Variants in DIAPH2 observed in about 807,000 individuals in gnomAD.
DIAPH2 encodes the protein diaphanous related formin 2.
In DIAPH2, 35 loss-of-function variants were observed where a neutral mutation model predicts 92.7. That is an observed-to-expected ratio of 0.38 (90% CI 0.29 to 0.50). The LOEUF is 0.50. DIAPH2 is among the 20% of genes least tolerant of loss of function. The probability of loss-of-function intolerance (pLI) is 0.94; values close to 1 mark genes in which losing one functional copy is unlikely to be tolerated. For synonymous variants in DIAPH2, 301 were observed against 280.4 expected (o/e 1.07, Z -0.73); for missense variants, 701 against 819.5 (o/e 0.86, Z 1.77).
chrX:97,256,135 G>C (rs1477696575), intron 23 of DIAPH2, among the ~76,000 whole-genome samples: 1 of 112,216 alleles, frequency 8.9e-6, no homozygotes, highest in Non-Finnish European at 1.9e-5. Context: ...AGTTTTAAAA[G>C]ATGTAAAAAC....
At chrX:97,307,821 T>C (rs1311689985) in intron 23 of DIAPH2, among the ~76,000 whole-genome samples, 1 of 104,277 alleles carries the variant, frequency 9.6e-6, no homozygotes, top group African/African-American at 3.6e-5. Flanking sequence ...GGCAGGAGAA[T>C]CACTTGAACC....
intron 16 of DIAPH2, among the ~76,000 whole-genome samples, chrX:96,960,084 T>C (rs1392998079): frequency 8.9e-6 from 1 of 111,844 alleles, no homozygotes; most frequent in East Asian, 2.8e-4. Context: ...GCTTTGGCTA[T>C]TCAGGCTCTT....
chrX:97,514,674 A>G (rs1240518370), intron 26 of DIAPH2, among the ~76,000 whole-genome samples: 1 of 109,314 alleles, frequency 9.1e-6, no homozygotes, highest in African/African-American at 3.3e-5. Context: ...ATGGTGATGT[A>G]CAGATGGGTT....
Position 97,417,387 on chromosome X carries a change from C to T in DIAPH2, c.3146-12263C>T, listed in dbSNP as rs774094444. On this transcript the variant is annotated intron_variant, in intron 25 of 26. Coordinates refer to ENST00000324765, the MANE Select transcript of DIAPH2 (RefSeq NM_006729.5). ...GGGTGGTCACACATACACACACACA[C>T]ACACACACACATACACACACACACA... 2.3e-4 allele frequency among the ~76,000 whole-genome samples: 25 copies of T among 109,288 alleles called. No individual in the cohort carries two copies. In the East Asian group the frequency reaches 6.5e-3, roughly 28 times the overall value. The allele number at this position is 109,288 out of a possible 115,157, so 94.9% of individuals were successfully genotyped here. A position where few individuals can be genotyped will look rare whatever the true frequency, so the allele number is the denominator to read the frequency against.
intron 26 of DIAPH2, among the ~76,000 whole-genome samples, chrX:97,457,821 G>T (rs964157009): frequency 3.6e-5 from 4 of 112,113 alleles, no homozygotes; most frequent in Non-Finnish European, 5.6e-5. Context: ...TGCTCCTTCA[G>T]CCATGTGAAG....
chrX:96,959,887 TG>T (rs892526590), intron 16 of DIAPH2, among the ~76,000 whole-genome samples: 3 of 111,865 alleles, frequency 2.7e-5, no homozygotes, highest in African/African-American at 9.7e-5. Flanking sequence ...CTTTCCCCAT[TG>T]CATGTTCTTG....
intron 23 of DIAPH2, among the ~76,000 whole-genome samples, chrX:97,317,859 AATTT>A (rs1161619176): frequency 2.7e-5 from 3 of 111,614 alleles, no homozygotes; most frequent in Admixed American, 9.6e-5. Context: ...GACACATTTT[AATTT>A]ATTTATGGGG....
intron 4 of DIAPH2, among the ~76,000 whole-genome samples, chrX:96,784,024 T>G (rs1297236499): frequency 8.9e-6 from 1 of 112,007 alleles, no homozygotes; most frequent in East Asian, 2.8e-4. Flanking sequence ...TGCATTGGAA[T>G]GGATACTCTG....
At chrX:97,268,315 AT>A (rs762513158) in intron 23 of DIAPH2, among the ~76,000 whole-genome samples, 31 of 112,522 alleles carry the variant, frequency 2.8e-4, no homozygotes, top group Non-Finnish European at 5.2e-4. Context: ...TTTATGTATT[AT>A]TTATACTCTA....
intron 4 of DIAPH2, among the ~76,000 whole-genome samples, chrX:96,810,130 A>T (rs1054258363): frequency 5.3e-5 from 6 of 112,343 alleles, no homozygotes; most frequent in Non-Finnish European, 1.1e-4. Flanking sequence ...TTACACTCCC[A>T]TCAACAGTGT....
intron 26 of DIAPH2, among the ~76,000 whole-genome samples, chrX:97,588,221 C>T (rs1193519544): frequency 3.6e-5 from 4 of 112,239 alleles, no homozygotes; most frequent in Admixed American, 9.4e-5. Flanking sequence ...AATGCATAAA[C>T]GCAAAGTGGG....
At chrX:97,257,957 TAA>T (rs59772699) in intron 23 of DIAPH2, among the ~76,000 whole-genome samples, 1,080 of 92,347 alleles carry the variant, frequency 0.012, 21 homozygotes, top group African/African-American at 0.048. Context: ...GTTCTTTGTT[TAA>T]AAAAAAAAAA....
At chrX:97,084,446 C>T (rs750817690) in intron 19 of DIAPH2, among the ~76,000 whole-genome samples, 75 of 111,274 alleles carry the variant, frequency 6.7e-4, no homozygotes, top group Middle Eastern at 9.1e-3. Context: ...ATTGAATAGT[C>T]AGCCCTCAGT....
At chrX:96,788,851 A>G (rs1442976501) in intron 4 of DIAPH2, among the ~76,000 whole-genome samples, 1 of 111,797 alleles carries the variant, frequency 8.9e-6, no homozygotes, top group African/African-American at 3.3e-5. Flanking sequence ...TTGCCAGCAC[A>G]CCCTCCCAAC....
chrX:97,277,669 C>T (rs140314422), intron 23 of DIAPH2, among the ~76,000 whole-genome samples: 112 of 111,695 alleles, frequency 1.0e-3, no homozygotes, highest in African/African-American at 3.6e-3. Flanking sequence ...TCCCAACACC[C>T]CTTCCTACTG....
At chrX:96,937,568 A>G (rs149957637) in intron 11 of DIAPH2, among the ~76,000 whole-genome samples, 3,615 of 111,659 alleles carry the variant, frequency 0.032, 163 homozygotes, top group African/African-American at 0.11. Context: ...AATCTGCACA[A>G]TGGCTCACAG....
chrX:97,558,500 C>T (rs1400496454), intron 26 of DIAPH2, among the ~76,000 whole-genome samples: 1 of 110,938 alleles, frequency 9.0e-6, no homozygotes, highest in Non-Finnish European at 1.9e-5. Flanking sequence ...GGAGATGAGG[C>T]TGGGGGGTTG....
At position 97,488,738 on chromosome X, in the gene DIAPH2, T is replaced by C. The variant is rs190053063; in HGVS notation, c.3241+58993T>C. 1.1e-4 allele frequency among the ~76,000 whole-genome samples: 12 copies of C among 112,307 alleles called. No individual in the cohort carries two copies. The East Asian group carries it at 3.3e-3, about 31-fold the overall frequency. ...CTCATTCTGTGTTCTTGGCACCCCA[T>C]ACAAAGATCAGTTGACCATATATGC... On this transcript the variant is annotated intron_variant, in intron 26 of 26. Coordinates refer to ENST00000324765, the MANE Select transcript of DIAPH2 (RefSeq NM_006729.5).
At chrX:96,879,632 A>G (rs2065200410) in intron 4 of DIAPH2, among the ~76,000 whole-genome samples, 1 of 111,005 alleles carries the variant, frequency 9.0e-6, no homozygotes, top group African/African-American at 3.3e-5. Flanking sequence ...TCCTTGTGAA[A>G]TAATAGATGG....
Sources: allele counts gnomAD v4.1 joint callset (sites outside exome capture counted in the v4.1 genomes callset), GRCh38; gene constraint gnomAD v4.1.1; transcripts MANE v1.5; gene names NCBI Gene and HGNC (gene_info 2026-07-23, HGNC 2026-07-21).